Variants in GBGT1 observed in about 807,000 individuals in gnomAD.
GBGT1 encodes globoside alpha-1,3-N-acetylgalactosaminyltransferase 1.
A neutral mutation model predicts 20.9 loss-of-function variants in GBGT1; 18 were observed. The observed-to-expected ratio is 0.86, with a 90% CI of 0.60 to 1.28. The LOEUF (loss-of-function observed/expected upper bound fraction) is 1.28. Among genes scored for constraint, GBGT1 ranks in the 50% most tolerant of loss-of-function variants. GBGT1 has a pLI of 0.00. For synonymous variants in GBGT1, 168 were observed against 180.8 expected, an observed-to-expected ratio of 0.93 and a Z score of 0.57; for missense variants, 432 against 455.7, an observed-to-expected ratio of 0.95 and a Z score of 0.47.
chr9:133,157,386 A>T (rs552434038), intron 3 of GBGT1, among the ~76,000 whole-genome samples: 1 of 151,962 alleles, frequency 6.6e-6, no homozygotes, highest in Non-Finnish European at 1.5e-5. Flanking sequence ...ACATAAGTCA[A>T]TTTTCCTAGG....
rs1833090822 is a variant in GBGT1 at position 133,162,644 on chromosome 9, G to A, written c.-120-112C>T. 2.9e-5 allele frequency: 16 copies of A among 548,556 alleles called. 1 individual carries two copies. In the South Asian group the frequency reaches 3.2e-4, roughly 11 times the overall value. The allele number at this position is 548,556 out of a possible 1,614,324, so 34.0% of individuals were successfully genotyped here. ...GCAACCTCTTCTCTTGGGTTCAAGCGATTCTCTTGTCTCAGCCTCCTGAGT... is the reference window on the plus strand; with the variant it reads ...GCAACCTCTTCTCTTGGGTTCAAGCAATTCTCTTGTCTCAGCCTCCTGAGT... On this transcript the variant is annotated intron_variant, in intron 1 of 6. Transcript: ENST00000372040.
At chr9:133,161,081 TG>T (rs1466638658) in intron 3 of GBGT1, 2 of 396,746 alleles carry the variant, frequency 5.0e-6, no homozygotes, top group Admixed American at 8.8e-5. Context: ...CTTGAATCCA[TG>T]GAACACAAAA....
At position 133,153,463 on chromosome 9, in the gene GBGT1, G is replaced by A. The variant is rs1055318418; in HGVS notation, c.*114C>T. On this transcript the variant is annotated 3_prime_UTR_variant, in exon 7 of 7. Transcript: ENST00000372040. The stretch of plus-strand genomic sequence containing the variant: ...AGTGGCCTTTCCACGTCCCTTTTCC[G>A]GTTGAATTCGCCTGACTGACAGGGA... 12 of 727,776 alleles carry A rather than the reference G, an allele frequency of 1.6e-5. No individual in the cohort carries two copies. The highest frequency in any genetic ancestry group is 1.0e-4 in the Admixed American group (4 of 38,336). The allele number at this position is 727,776 out of a possible 1,614,324, so 45.1% of individuals were successfully genotyped here. A position where few individuals can be genotyped will look rare whatever the true frequency, so the allele number is the denominator to read the frequency against.
intron 3 of GBGT1, among the ~76,000 whole-genome samples, chr9:133,160,636 A>C (rs1243883192): frequency 2.0e-5 from 3 of 152,236 alleles, no homozygotes; most frequent in Non-Finnish European, 4.4e-5. Context: ...AATTGGGAGC[A>C]ACCTAAATCC....
chr9:133,160,145 C>T lies in GBGT1; in HGVS notation c.137+1322G>A, dbSNP rs181144731. 5.9e-3 allele frequency: 2,085 copies of T among 355,448 alleles called. 23 individuals carry two copies. The highest frequency in any genetic ancestry group is 0.013 in the South Asian group (686 of 50,842). The allele number at this position is 355,448 out of a possible 1,614,324, so 22.0% of individuals were successfully genotyped here. On this transcript the variant is annotated intron_variant, in intron 3 of 6. Transcript: ENST00000372040. ...TTTCTACTAAAAATACAAAAATTAG[C>T]GTGTGTGCCTGTAATCCCAGCTATT...
chr9:133,161,974 G>A (rs776764606), intron 2 of GBGT1, among the ~76,000 whole-genome samples: 2 of 152,160 alleles, frequency 1.3e-5, no homozygotes, highest in Non-Finnish European at 2.9e-5. Context: ...TTCAGAAGCC[G>A]GAGACACTAG....
At position 133,153,933 on chromosome 9, in the gene GBGT1, T is replaced by C; in HGVS notation, c.688A>G (p.Ser230Gly). The C allele has an allele frequency of 6.2e-7, 1 of 1,610,214 alleles. No individual in the cohort carries two copies. Among genetic ancestry groups the C allele is most frequent in the South Asian group, 1.1e-5 (1 of 91,022 alleles). ...TGCTGGCGGGGAACGGCGTAGTAGC[T>C]TGGGTGAATGGCAGCCACCAGGTCT... ...LGDLVAAIHP[S>G]YYAVPRQQFP... Residue 230 changes from serine to glycine, a missense_variant, in exon 7 of 7, where the codon AGC (serine) becomes GGC (glycine). Ser to Gly is a moderately conservative substitution (Grantham distance 56). Coordinates refer to ENST00000372040, the MANE Select transcript of GBGT1 (RefSeq NM_021996.6).
In GBGT1 at chr9:133,153,424, C is replaced by A; in HGVS notation, c.*153G>T. 1 of 573,082 alleles carries A rather than the reference C, an allele frequency of 1.7e-6. No homozygotes were observed. Among genetic ancestry groups the A allele is most frequent in the Non-Finnish European group, 3.1e-6 (1 of 325,708 alleles). The allele number at this position is 573,082 out of a possible 1,614,324, so 35.5% of individuals were successfully genotyped here. A position where few individuals can be genotyped will look rare whatever the true frequency, so the allele number is the denominator to read the frequency against. The stretch of plus-strand genomic sequence containing the variant: ...TCCTGTGTGCTACTGTGTGCACAGC[C>A]CTCTGCAGTTCACAGTGGCCTTTCC... On this transcript the variant is annotated 3_prime_UTR_variant, in exon 7 of 7. Transcript: ENST00000372040.
intron 3 of GBGT1, among the ~76,000 whole-genome samples, chr9:133,158,621 C>G (rs1250779815): frequency 1.3e-5 from 2 of 152,146 alleles, no homozygotes; most frequent in Non-Finnish European, 2.9e-5. Context: ...GATGGGGTGG[C>G]TGAAGCCTCC....
At chr9:133,157,038 C>A (rs1277932974) in intron 3 of GBGT1, among the ~76,000 whole-genome samples, 1 of 152,210 alleles carries the variant, frequency 6.6e-6, no homozygotes, top group East Asian at 1.9e-4. Context: ...AGTCCCAGCA[C>A]TTTGGGGGCC....
chr9:133,159,773 G>A (rs139987802), intron 3 of GBGT1, among the ~76,000 whole-genome samples: 1,587 of 152,156 alleles, frequency 0.01, 32 homozygotes, highest in African/African-American at 0.037. Flanking sequence ...CTCCAGCCTG[G>A]GCAACAGAGC....
At chr9:133,155,543 C>A (rs370735537) in intron 5 of GBGT1, among the ~76,000 whole-genome samples, 1 of 152,192 alleles carries the variant, frequency 6.6e-6, no homozygotes, top group African/African-American at 2.4e-5. Context: ...ATGTGCCAAG[C>A]CCCTAATAAA....
At chr9:133,160,330 G>A (rs1337593216) in intron 3 of GBGT1, 1 of 132,944 alleles carries the variant, frequency 7.5e-6, no homozygotes, top group Non-Finnish European at 1.6e-5. Context: ...TTATACCAAA[G>A]AGGATAGCAT....
chr9:133,155,441 T>C, intron 5 of GBGT1, 129 bp from the exon 6 acceptor site: 1 of 1,077,526 alleles, frequency 9.3e-7, no homozygotes, highest in Non-Finnish European at 1.3e-6. Flanking sequence ...CCTTTCCTCA[T>C]ATGGAAAGTG....
In GBGT1 at chr9:133,154,369, A is replaced by C; in HGVS notation, c.360-108T>G. 8 of 603,928 alleles carry C rather than the reference A, an allele frequency of 1.3e-5. No homozygotes were observed. The highest frequency in any genetic ancestry group is 3.6e-5 in the African/African-American group (2 of 54,934). The allele number at this position is 603,928 out of a possible 1,614,324, so 37.4% of individuals were successfully genotyped here. A position where few individuals can be genotyped will look rare whatever the true frequency, so the allele number is the denominator to read the frequency against. On this transcript the variant is annotated intron_variant, in intron 6 of 6. Coordinates refer to ENST00000372040, the MANE Select transcript of GBGT1 (RefSeq NM_021996.6). This position sits in a 1 kb window ranked among gnomAD's most constrained non-coding sequence, Gnocchi z 4.2. ...GGTCCACTTACCAGCTCCCCATCTC[A>C]AGATGTCACTCTGCTCTGGCCCTCT...
chr9:133,162,333 C>T lies in GBGT1; in HGVS notation c.71+9G>A. 6.2e-7 allele frequency: 1 copy of T among 1,606,462 alleles called. No individual in the cohort carries two copies. Among genetic ancestry groups the T allele is most frequent in the Non-Finnish European group, 8.5e-7 (1 of 1,176,712 alleles). On this transcript the variant is annotated intron_variant, in intron 2 of 6. Transcript: ENST00000372040. Reference sequence around the variant, plus strand: ...TAGAGACAGGGGGAGCTCCGTGGGGCAGACTCACCACAGGACACTGAGGCT... The same window carrying T: ...TAGAGACAGGGGGAGCTCCGTGGGGTAGACTCACCACAGGACACTGAGGCT...
At position 133,155,306 on chromosome 9, in the gene GBGT1, T is replaced by C. The variant is rs756021364; in HGVS notation, c.231A>G (p.Thr77=). The C allele has an allele frequency of 6.2e-7, 1 of 1,613,794 alleles. No individual in the cohort carries two copies. The highest frequency in any genetic ancestry group is 1.3e-5 in the African/African-American group (1 of 74,862). ...PQPKLLEHRP[T]QLLTLTPWLA... ...ACCAGGGTGTGAGTGTCAGCAGCTGTGTGGGCCTGGCAGCAGGGGGGCCGT... is the reference window on the plus strand; with the variant it reads ...ACCAGGGTGTGAGTGTCAGCAGCTGCGTGGGCCTGGCAGCAGGGGGGCCGT... The change falls in exon 6 of 7, where the codon ACA becomes ACG. Residue 77 remains threonine (T), a synonymous_variant. Transcript: ENST00000372040.
chr9:133,161,604 C>T lies in GBGT1; in HGVS notation c.72-72G>A, dbSNP rs41314455. ...AGAGGCTGAAAACGCACCTCATGCA[C>T]GTCATTGGGAGTGCAGGTCTCCCAC... On this transcript the variant is annotated intron_variant, in intron 2 of 6. Coordinates refer to ENST00000372040, the MANE Select transcript of GBGT1 (RefSeq NM_021996.6). 1.8e-4 allele frequency: 191 copies of T among 1,058,356 alleles called. 1 individual carries two copies. Among genetic ancestry groups the T allele is most frequent in the Middle Eastern group, 6.1e-4 (3 of 4,944 alleles). The allele number at this position is 1,058,356 out of a possible 1,614,324, so 65.6% of individuals were successfully genotyped here.
At chr9:133,156,962 C>T (rs1832888393) in intron 3 of GBGT1, among the ~76,000 whole-genome samples, 2 of 152,144 alleles carry the variant, frequency 1.3e-5, no homozygotes, top group South Asian at 2.1e-4. Context: ...CTGGGTGGGA[C>T]CGATCCAATT....
Sources: gnomAD v4.1 joint callset for allele counts (sites outside exome capture counted in the v4.1 genomes callset) on GRCh38, gnomAD v4.1.1 for gene constraint, Gnocchi (gnomAD v3.1) non-coding constraint, MANE v1.5 for transcripts, NCBI Gene and HGNC (gene_info 2026-07-23, HGNC 2026-07-21) for gene names.